Variants in DOCK11 observed in about 807,000 individuals in gnomAD.
DOCK11 encodes dedicator of cytokinesis 11, also known as dedicator of cytokinesis protein 11.
DOCK11 carries 70 observed loss-of-function variants against 169.1 expected under a neutral mutation model. The ratio of observed to expected loss-of-function variants is 0.41; its 90% CI spans 0.34 to 0.51. The LOEUF is 0.51. Ranked by LOEUF, DOCK11 falls within the 20% of genes least tolerant of loss-of-function variation. The pLI is 0.10. For synonymous variants in DOCK11, 529 were observed against 541.3 expected (o/e 0.98, Z 0.32); for missense variants, 1,166 against 1,538.8 (o/e 0.76, Z 4.05).
At chrX:118,673,382 G>A (rs899905522) in intron 46 of DOCK11, among the ~76,000 whole-genome samples, 1 of 111,411 alleles carries the variant, frequency 9.0e-6, no homozygotes, top group African/African-American at 3.3e-5. Context: ...TGAGGTAGGA[G>A]GATTGCTTAA....
intron 1 of DOCK11, among the ~76,000 whole-genome samples, chrX:118,509,652 A>C (rs1380914594): frequency 8.9e-6 from 1 of 112,419 alleles, no homozygotes; most frequent in African/African-American, 3.2e-5. Context: ...TGAGGACTGG[A>C]CTAGCTTTAT....
At chrX:118,542,635 C>T in intron 1 of DOCK11, 90 bp from the exon 2 acceptor site, 1 of 651,493 alleles carries the variant, frequency 1.5e-6, no homozygotes, top group Non-Finnish European at 2.4e-6. Context: ...TAATCCCTTC[C>T]TTTGAGAAGT....
intron 14 of DOCK11, among the ~76,000 whole-genome samples, chrX:118,583,699 G>A (rs1368206660): frequency 9.0e-6 from 1 of 111,236 alleles, no homozygotes. Context: ...TGGGGCATTG[G>A]TTCCAGGATC....
At chrX:118,598,197 C>A in intron 22 of DOCK11, 81 bp downstream of exon 22, 1 of 723,430 alleles carries the variant, frequency 1.4e-6, no homozygotes, top group Non-Finnish European at 2.0e-6. Context: ...ATTCCTACAG[C>A]CTTAGAGAAT....
intron 46 of DOCK11, among the ~76,000 whole-genome samples, chrX:118,671,447 A>G (rs2016470133): frequency 1.8e-5 from 2 of 108,843 alleles, no homozygotes; most frequent in Admixed American, 2.0e-4. Flanking sequence ...TTTGATCATT[A>G]CACAATGTTG....
At chrX:118,592,971 C>T (rs1348936773) in intron 19 of DOCK11, among the ~76,000 whole-genome samples, 1 of 112,464 alleles carries the variant, frequency 8.9e-6, no homozygotes, top group Non-Finnish European at 1.9e-5. Context: ...AAATTGAATC[C>T]AGGAGAATCC....
intron 50 of DOCK11, 30 bp from the exon 51 acceptor site, chrX:118,681,664 C>A: frequency 9.6e-7 from 1 of 1,037,017 alleles, no homozygotes; most frequent in Non-Finnish European, 1.3e-6. Context: ...ATTCTGGAAA[C>A]ACTCTCATTT....
chrX:118,543,098 A>T, intron 3 of DOCK11, 83 bp downstream of exon 3: 1 of 727,068 alleles, frequency 1.4e-6, no homozygotes, highest in Non-Finnish European at 2.0e-6. Context: ...TGTATTTGTA[A>T]CCTGTTTATA....
Position 118,560,102 on chromosome X carries a change from T to A in DOCK11, c.559-1281T>A, listed in dbSNP as rs938410542. Among the ~76,000 whole-genome samples, 3 of 111,240 alleles carry A rather than the reference T, an allele frequency of 2.7e-5. No homozygotes were observed. The Admixed American group carries it at 2.9e-4, about 11-fold the overall frequency. ...TGTTAGGGTATTCCTTACACTGATA[T>A]ATATTTTTGTCATTCATTAAAAAAA... On this transcript the variant is annotated intron_variant, in intron 6 of 52. Coordinates refer to ENST00000276202, the MANE Select transcript of DOCK11 (RefSeq NM_144658.4).
intron 1 of DOCK11, among the ~76,000 whole-genome samples, chrX:118,524,614 A>G (rs1363281455): frequency 3.6e-5 from 4 of 111,795 alleles, no homozygotes; most frequent in Non-Finnish European, 7.5e-5. Context: ...CAAATGGCCA[A>G]TAAGCACGGG....
intron 7 of DOCK11, among the ~76,000 whole-genome samples, chrX:118,565,101 A>AT (rs142167945): frequency 0.34 from 36,178 of 104,907 alleles, 5,110 homozygotes; most frequent in East Asian, 0.53. Flanking sequence ...ACGCCTGGCT[A>AT]TTTTTTTTTG....
At chrX:118,574,336 C>T (rs767879977) in intron 12 of DOCK11, among the ~76,000 whole-genome samples, 16 of 111,720 alleles carry the variant, frequency 1.4e-4, no homozygotes, top group South Asian at 3.7e-4. Context: ...GAGGCTGAGG[C>T]GGGCAGATCA....
chrX:118,516,594 C>T (rs1478001873), intron 1 of DOCK11, among the ~76,000 whole-genome samples: 2 of 109,233 alleles, frequency 1.8e-5, no homozygotes, highest in Non-Finnish European at 3.8e-5. Context: ...CTACCATGCC[C>T]AAGCTAATTT....
chrX:118,540,839 TAA>T (rs1328618967), intron 1 of DOCK11, among the ~76,000 whole-genome samples: 1 of 112,013 alleles, frequency 8.9e-6, no homozygotes, highest in Admixed American at 9.5e-5. Flanking sequence ...ATTATAATAT[TAA>T]GTCTTAATAT....
intron 18 of DOCK11, among the ~76,000 whole-genome samples, chrX:118,588,874 A>G (rs1248421492): frequency 8.9e-6 from 1 of 112,433 alleles, no homozygotes; most frequent in Non-Finnish European, 1.9e-5. Flanking sequence ...GATCTGAGAT[A>G]CGACTTCTAC....
chrX:118,516,004 A>AAT lies in DOCK11; in HGVS notation c.102+19945_102+19946dup, dbSNP rs1191968312. 8.9e-5 allele frequency among the ~76,000 whole-genome samples: 4 copies of AAT among 44,954 alleles called. 1 individual carries two copies. The highest frequency in any genetic ancestry group is 1.4e-4 in the Non-Finnish European group (4 of 28,256). 39.0% of individuals were successfully genotyped at this position (44,954 alleles called of 115,157 possible). On this transcript the variant is annotated intron_variant, in intron 1 of 52. Coordinates refer to ENST00000276202, the MANE Select transcript of DOCK11 (RefSeq NM_144658.4). ...ATGTTCAAAAGTAAGGATTTGGGCA[A>AAT]ATATATATATATATACATTCTTACA...
intron 19 of DOCK11, among the ~76,000 whole-genome samples, chrX:118,592,260 G>C (rs1019398306): frequency 6.6e-5 from 7 of 105,344 alleles, no homozygotes; most frequent in Non-Finnish European, 1.2e-4. Flanking sequence ...CAGTGTAAAA[G>C]TGTTCCTATT....
At chrX:118,622,617 A>G (rs777074852) in intron 31 of DOCK11, among the ~76,000 whole-genome samples, 4 of 111,986 alleles carry the variant, frequency 3.6e-5, no homozygotes, top group Admixed American at 9.5e-5. Context: ...GCTAAAATTT[A>G]TTGAGGACTC....
intron 1 of DOCK11, among the ~76,000 whole-genome samples, chrX:118,530,000 G>A (rs1012957595): frequency 1.8e-5 from 2 of 111,869 alleles, no homozygotes; most frequent in African/African-American, 3.3e-5. Context: ...GCCACTGAAG[G>A]GATTGAAACA....
Sources: allele counts gnomAD v4.1 joint callset (sites outside exome capture counted in the v4.1 genomes callset), GRCh38; gene constraint gnomAD v4.1.1; transcripts MANE v1.5; gene names NCBI Gene and HGNC (gene_info 2026-07-23, HGNC 2026-07-21).